The following TBL1X variants were observed in gnomAD, a reference collection of about 807,000 sequenced individuals.
TBL1X encodes the protein transducin beta like 1 X-linked.
Under a neutral mutation model 50.7 loss-of-function variants are expected in TBL1X, and 10 were observed. The observed-to-expected ratio is 0.20, with a 90% CI of 0.12 to 0.33. The LOEUF (loss-of-function observed/expected upper bound fraction) is 0.33. TBL1X is among the 10% of genes least tolerant of loss of function. The pLI is 1.00. For synonymous variants in TBL1X, 190 were observed against 214.7 expected (o/e 0.88, Z 1.01); for missense variants, 340 against 504.4 (o/e 0.67, Z 3.12).
chrX:9,569,438 C>T (rs540059585), intron 2 of TBL1X, among the ~76,000 whole-genome samples: 4 of 109,747 alleles, frequency 3.6e-5, no homozygotes, highest in Admixed American at 2.9e-4. Flanking sequence ...ATTTGTGTAC[C>T]GTGCTGTGTG....
rs1034666340 is a variant in TBL1X at position 9,691,838 on chromosome X, CA to C, written c.749+129del. ...TTCTTACCCCGGTGTGTGGGCAGAC[CA>C]AGGAATGGGTGGCTCTATGAGCCAC... On this transcript the variant is annotated intron_variant, in intron 8 of 17. Coordinates refer to ENST00000645353, the MANE Select transcript of TBL1X (RefSeq NM_005647.4). 3 of 957,054 alleles carry C rather than the reference CA, an allele frequency of 3.1e-6. No individual in the cohort carries two copies. The Admixed American group carries it at 9.6e-5, about 31-fold the overall frequency. 78.9% of individuals were successfully genotyped at this position (957,054 alleles called of 1,213,427 possible). A position where few individuals can be genotyped will look rare whatever the true frequency, so the allele number is the denominator to read the frequency against.
intron 5 of TBL1X, 106 bp downstream of exon 5, chrX:9,654,428 A>AAGG (rs397823623): frequency 6.4e-6 from 6 of 939,105 alleles, no homozygotes; most frequent in Non-Finnish European, 9.1e-6. Context: ...GAAGAAGAAG[A>AAGG]GCTAAGAAGG....
At chrX:9,611,731 G>A (rs1002292231) in intron 2 of TBL1X, among the ~76,000 whole-genome samples, 3 of 112,309 alleles carry the variant, frequency 2.7e-5, no homozygotes, top group Admixed American at 9.4e-5. Context: ...TTTGAGTGGC[G>A]CTGTGCTGTT....
intron 2 of TBL1X, among the ~76,000 whole-genome samples, chrX:9,604,335 T>G (rs1341713891): frequency 8.9e-6 from 1 of 112,272 alleles, no homozygotes; most frequent in African/African-American, 3.2e-5. Context: ...AGAAGCCTGT[T>G]AAGCAGCAAG....
chrX:9,483,553 C>T (rs111449066), intron 1 of TBL1X, among the ~76,000 whole-genome samples: 2,694 of 111,323 alleles, frequency 0.024, 89 homozygotes, highest in African/African-American at 0.082. Flanking sequence ...ACCTAACTCC[C>T]CCCAACAAGA....
chrX:9,698,806 G>A (rs2083150189), intron 12 of TBL1X, among the ~76,000 whole-genome samples: 1 of 111,897 alleles, frequency 8.9e-6, no homozygotes. Context: ...ATCAGCCTCG[G>A]GCCTGTGGTG....
intron 12 of TBL1X, among the ~76,000 whole-genome samples, chrX:9,699,681 G>C (rs2083157355): frequency 9.0e-6 from 1 of 111,621 alleles, no homozygotes; most frequent in Non-Finnish European, 1.9e-5. Flanking sequence ...GTCCCGTCGA[G>C]GCACGATTGT....
intron 2 of TBL1X, among the ~76,000 whole-genome samples, chrX:9,628,455 T>TA (rs950169954): frequency 1.8e-5 from 2 of 110,376 alleles, no homozygotes; most frequent in Admixed American, 9.5e-5. Flanking sequence ...AATAGCAACT[T>TA]AAAAAAAAAG....
chrX:9,715,971 C>T (rs1279434338), intron 17 of TBL1X, among the ~76,000 whole-genome samples: 1 of 112,139 alleles, frequency 8.9e-6, no homozygotes, highest in East Asian at 2.8e-4. Context: ...TCTGTTAATT[C>T]CTATCATTAC....
At chrX:9,564,569 C>T (rs1209105036) in intron 2 of TBL1X, among the ~76,000 whole-genome samples, 1 of 110,284 alleles carries the variant, frequency 9.1e-6, no homozygotes, top group Non-Finnish European at 1.9e-5. Context: ...CTCGTCTCTA[C>T]TAAAAATACA....
chrX:9,545,003 T>TC (rs2082234955), intron 2 of TBL1X, among the ~76,000 whole-genome samples: 1 of 90,155 alleles, frequency 1.1e-5, no homozygotes, highest in Non-Finnish European at 2.2e-5. Flanking sequence ...CCCCCCACTT[T>TC]TTTTTTTTTT....
intron 2 of TBL1X, among the ~76,000 whole-genome samples, chrX:9,575,760 T>C (rs1205119166): frequency 2.7e-5 from 3 of 112,291 alleles, no homozygotes; most frequent in African/African-American, 9.7e-5. Flanking sequence ...AGATTATCTG[T>C]GTACTATATT....
At chrX:9,576,825 C>T (rs767693976) in intron 2 of TBL1X, among the ~76,000 whole-genome samples, 2 of 109,136 alleles carry the variant, frequency 1.8e-5, no homozygotes, top group Admixed American at 2.0e-4. Context: ...ATGGTGAGGC[C>T]CCATTTCTAC....
chrX:9,640,200 G>A (rs775551248), intron 2 of TBL1X, 73 bp from the exon 3 acceptor site: 4 of 112,301 alleles, frequency 3.6e-5, no homozygotes, highest in Non-Finnish European at 7.5e-5. Flanking sequence ...CTAAAGGAAC[G>A]GGATGGTTGA....
intron 16 of TBL1X, among the ~76,000 whole-genome samples, chrX:9,712,941 A>G (rs1456937387): frequency 9.7e-6 from 1 of 103,196 alleles, no homozygotes; most frequent in Non-Finnish European, 2.0e-5. Flanking sequence ...TCGCCTCAGG[A>G]GGGGAGGAAT....
chrX:9,642,403 G>T (rs186625964), intron 3 of TBL1X, among the ~76,000 whole-genome samples: 4 of 111,599 alleles, frequency 3.6e-5, no homozygotes, highest in Non-Finnish European at 7.5e-5. Flanking sequence ...CCTATGCTGC[G>T]TGCTGCGTCT....
At chrX:9,626,092 A>G (rs1197837212) in intron 2 of TBL1X, among the ~76,000 whole-genome samples, 1 of 111,896 alleles carries the variant, frequency 8.9e-6, no homozygotes, top group African/African-American at 3.3e-5. Flanking sequence ...ACGGTGATGC[A>G]GTGAGGGGCA....
chrX:9,545,000 CTTTTTTT>C lies in TBL1X; in HGVS notation c.-131+43169_-131+43175del, dbSNP rs34726098. Among the ~76,000 whole-genome samples, 344 of 71,749 alleles carry C rather than the reference CTTTTTTT, an allele frequency of 4.8e-3. 1 individual carries two copies. Among genetic ancestry groups the C allele is most frequent in the African/African-American group, 0.017 (301 of 17,620 alleles). 62.3% of individuals were successfully genotyped at this position (71,749 alleles called of 115,157 possible). A position where few individuals can be genotyped will look rare whatever the true frequency, so the allele number is the denominator to read the frequency against. On this transcript the variant is annotated intron_variant, in intron 2 of 17. Transcript: ENST00000645353. ...GGTTTATGTAGTTATTTTCCCCCCA[CTTTTTTT>C]TTTTTTTTTTTTTTTTTGAAATGGA... is the stretch of plus-strand genomic sequence containing the variant.
At chrX:9,630,313 C>A (rs142658961) in intron 2 of TBL1X, among the ~76,000 whole-genome samples, 1,192 of 111,730 alleles carry the variant, frequency 0.011, 11 homozygotes, top group Non-Finnish European at 0.016. Flanking sequence ...TCCCTAAGGA[C>A]GTGAGGAATG....
Sources: gnomAD v4.1 joint callset for allele counts (sites outside exome capture counted in the v4.1 genomes callset) on GRCh38, gnomAD v4.1.1 for gene constraint, MANE v1.5 for transcripts, NCBI Gene and HGNC (gene_info 2026-07-23, HGNC 2026-07-21) for gene names.